MTHFD1L: variants seen among roughly 807,000 people sequenced by gnomAD.
MTHFD1L encodes the protein methylenetetrahydrofolate dehydrogenase (NADP+ dependent) 1 like.
MTHFD1L carries 81 observed loss-of-function variants against 119.5 expected under a neutral mutation model. That is an observed-to-expected ratio of 0.68 (90% confidence interval 0.57 to 0.82). The LOEUF is 0.82. MTHFD1L is among the 40% of genes least tolerant of loss of function. The probability of loss-of-function intolerance (pLI) is 0.00; values close to 1 mark genes in which losing one functional copy is unlikely to be tolerated. For missense variants in MTHFD1L, 1,125 were observed against 1,253.4 expected (o/e 0.90, Z 1.55); for synonymous variants, 430 against 475.2 (o/e 0.90, Z 1.24).
intron 16 of MTHFD1L, among the ~76,000 whole-genome samples, chr6:150,953,424 CT>C (rs1314831011): frequency 6.6e-6 from 1 of 152,202 alleles, no homozygotes; most frequent in Non-Finnish European, 1.5e-5. Context: ...ACATAAGAGG[CT>C]GGCACTGTCT....
chr6:150,911,078 T>A, intron 8 of MTHFD1L, among the ~76,000 whole-genome samples: 1 of 152,208 alleles, frequency 6.6e-6, no homozygotes. Context: ...ATATTCTAGA[T>A]CTATCCCTGA....
rs756567360 is a variant in MTHFD1L, at chr6:151,009,993, A to C, written c.2265+35A>C. On this transcript the variant is annotated intron_variant, in intron 21 of 27. Coordinates refer to ENST00000367321, the MANE Select transcript of MTHFD1L (RefSeq NM_015440.5). The stretch of plus-strand genomic sequence containing the variant: ...CACACCGCCTTCCTAATACCAAAGA[A>C]ATTTCATTATGTTAAAACAGAATTG... The C allele has an allele frequency of 7.1e-6, 11 of 1,543,272 alleles. No individual in the cohort carries two copies. The South Asian group carries it at 1.3e-4, about 18-fold the overall frequency.
At chr6:150,975,270 C>T (rs925675458) in intron 20 of MTHFD1L, among the ~76,000 whole-genome samples, 6 of 152,198 alleles carry the variant, frequency 3.9e-5, no homozygotes, top group African/African-American at 1.2e-4. Context: ...TACCACGGAA[C>T]TCTAGCCCTG....
rs772367941 is a variant in MTHFD1L at position 151,002,210 on chromosome 6, C to A, written c.2126-7609C>A. On this transcript the variant is annotated intron_variant, in intron 20 of 27. Coordinates refer to ENST00000367321, the MANE Select transcript of MTHFD1L (RefSeq NM_015440.5). The stretch of plus-strand genomic sequence containing the variant: ...TTTGATGAGGAGTATGGAGCAGGGA[C>A]TTTGGCAGAGGTTGCTAGCAGACAG... 7.9e-5 allele frequency among the ~76,000 whole-genome samples: 12 copies of A among 152,308 alleles called. No homozygotes were observed. The Middle Eastern group carries it at 0.01, about 130-fold the overall frequency.
At chr6:150,886,985 A>T (rs1254813197) in intron 6 of MTHFD1L, among the ~76,000 whole-genome samples, 2 of 150,480 alleles carry the variant, frequency 1.3e-5, no homozygotes, top group African/African-American at 2.4e-5. Flanking sequence ...AACAAGCAAG[A>T]TCCTATCTGA....
At chr6:150,938,667 C>G (rs372946172) in intron 12 of MTHFD1L, 32 bp from the exon 13 acceptor site, 1 of 1,600,310 alleles carries the variant, frequency 6.2e-7, no homozygotes, top group Non-Finnish European at 8.5e-7. Context: ...ACTTGGTGAC[C>G]CGTTTGAAAT....
In MTHFD1L at chr6:150,887,888, T is replaced by C. The variant is rs756999531; in HGVS notation, c.687T>C (p.His229=). The change falls in exon 7 of 28, where the codon CAT becomes CAC. Residue 229 remains histidine, a synonymous_variant. Transcript: ENST00000367321. The part of the protein sequence containing the change: ...DGKKILVVGA[H]GSLEAALQCL... ...AGAAGATTTTGGTAGTGGGGGCCCA[T>C]GGGTCTTTGGAAGCTGCTCTACAAT... The C allele has an allele frequency of 1.9e-6, 3 of 1,609,524 alleles. No individual in the cohort carries two copies. Among genetic ancestry groups the C allele is most frequent in the Non-Finnish European group, 2.5e-6 (3 of 1,178,242 alleles).
intron 21 of MTHFD1L, 65 bp from the exon 22 acceptor site, chr6:151,013,713 TC>T: frequency 7.2e-7 from 1 of 1,386,312 alleles, no homozygotes; most frequent in South Asian, 1.2e-5. Flanking sequence ...TGTTGTTCTT[TC>T]TTTCAGATCG....
chr6:150,912,927 A>G (rs1255404135), intron 8 of MTHFD1L: 1 of 166,804 alleles, frequency 6.0e-6, no homozygotes, highest in African/African-American at 2.4e-5. Flanking sequence ...TTAGCCATGA[A>G]ATTTATTAAA....
chr6:150,959,809 C>T (rs1796170103), intron 17 of MTHFD1L, among the ~76,000 whole-genome samples: 2 of 152,188 alleles, frequency 1.3e-5, no homozygotes, highest in Admixed American at 6.6e-5. Context: ...TCATCTGATG[C>T]ATATTGTATG....
chr6:151,088,623 ATTTTTTT>A (rs71014539), intron 26 of MTHFD1L, among the ~76,000 whole-genome samples: 4 of 128,640 alleles, frequency 3.1e-5, no homozygotes, highest in African/African-American at 5.8e-5. Flanking sequence ...CACCCAGCTA[ATTTTTTT>A]TTTTTTTTTT....
rs568732444 is a variant in MTHFD1L, at chr6:151,100,030, T to C, written c.*32-1496T>C. 7.5e-6 allele frequency: 5 copies of C among 664,216 alleles called. No individual in the cohort carries two copies. In the Admixed American group the frequency reaches 1.2e-4, roughly 15 times the overall value. The allele number at this position is 664,216 out of a possible 1,614,324, so 41.1% of individuals were successfully genotyped here. ...AGAAAAGAAAGAAATATTTTCTTTC[T>C]TTTCTTTTTTTTTTTTTTTTTGAGA... On this transcript the variant is annotated intron_variant, in intron 27 of 27. Transcript: ENST00000367321.
chr6:150,890,946 C>T (rs577295864), intron 7 of MTHFD1L, among the ~76,000 whole-genome samples: 1 of 152,214 alleles, frequency 6.6e-6, no homozygotes, highest in East Asian at 1.9e-4. Flanking sequence ...AATTAATAAA[C>T]TAGAGCTGTA....
At chr6:150,934,737 A>G (rs1322536627) in intron 11 of MTHFD1L, among the ~76,000 whole-genome samples, 1 of 152,224 alleles carries the variant, frequency 6.6e-6, no homozygotes, top group Non-Finnish European at 1.5e-5. Context: ...AACTCATGGA[A>G]GACCAAACTG....
chr6:150,972,726 A>C (rs547495719), intron 20 of MTHFD1L, among the ~76,000 whole-genome samples: 1 of 152,224 alleles, frequency 6.6e-6, no homozygotes, highest in Non-Finnish European at 1.5e-5. Context: ...TACTACCCTT[A>C]CTATGTAGTA....
chr6:150,939,628 C>T (rs1305239186), intron 13 of MTHFD1L, among the ~76,000 whole-genome samples: 2 of 151,596 alleles, frequency 1.3e-5, no homozygotes, highest in Non-Finnish European at 2.9e-5. Context: ...TCCTGCTTCC[C>T]TGTCCACAAG....
chr6:151,057,686 C>T (rs895752139), intron 26 of MTHFD1L, among the ~76,000 whole-genome samples: 1 of 152,202 alleles, frequency 6.6e-6, no homozygotes, highest in South Asian at 2.1e-4. Context: ...AATACTCACA[C>T]ACACACATAT....
intron 11 of MTHFD1L, among the ~76,000 whole-genome samples, chr6:150,932,205 C>A (rs973557261): frequency 6.7e-6 from 1 of 148,386 alleles, no homozygotes; most frequent in Non-Finnish European, 1.5e-5. Flanking sequence ...CATTGTCAAC[C>A]CTTTTTTGCT....
At chr6:150,921,500 C>T (rs1381789889) in intron 9 of MTHFD1L, among the ~76,000 whole-genome samples, 1 of 152,202 alleles carries the variant, frequency 6.6e-6, no homozygotes, top group Non-Finnish European at 1.5e-5. Flanking sequence ...GATCTGCCCA[C>T]CTCGGCCTCC....
Sources: allele counts gnomAD v4.1 joint callset (sites outside exome capture counted in the v4.1 genomes callset), GRCh38; gene constraint gnomAD v4.1.1; transcripts MANE v1.5; gene names NCBI Gene and HGNC (gene_info 2026-07-23, HGNC 2026-07-21).